DYTN: variants seen among roughly 807,000 people sequenced by gnomAD.
The protein encoded by DYTN is dystrotelin.
In DYTN, 75 loss-of-function variants were observed where a neutral mutation model predicts 69.6. That is an observed-to-expected ratio of 1.08 (90% CI 0.89 to 1.31). The LOEUF (loss-of-function observed/expected upper bound fraction) is 1.31. DYTN is among the 50% of genes most tolerant of loss of function. DYTN has a pLI of 0.00. For synonymous variants in DYTN, 252 were observed against 249.1 expected (o/e 1.01, Z -0.11); for missense variants, 726 against 688.4 (o/e 1.05, Z -0.61).
At chr2:206,711,143 A>G (rs2105902594) in intron 1 of DYTN, among the ~76,000 whole-genome samples, 1 of 152,336 alleles carries the variant, frequency 6.6e-6, no homozygotes, top group Admixed American at 6.5e-5. Flanking sequence ...AACTGTTAAC[A>G]GTGGACATCT....
At chr2:206,666,135 G>C (rs961268795) in intron 9 of DYTN, 106 bp from the exon 10 acceptor site, 1 of 1,415,948 alleles carries the variant, frequency 7.1e-7, no homozygotes, top group Non-Finnish European at 9.5e-7. Context: ...AAAGATGCTG[G>C]AAAACCCTGT....
At position 206,704,757 on chromosome 2, in the gene DYTN, T is replaced by G. The variant is rs1303978009; in HGVS notation, c.483+86A>C. On this transcript the variant is annotated intron_variant, in intron 5 of 11. Coordinates refer to ENST00000452335, the MANE Select transcript of DYTN (RefSeq NM_001093730.1). Reference sequence around the variant, plus strand: ...ATGGAGTTATATATAAAGATAGACTTGACACTGGAGACATCAGATTCTTTA... The same window carrying G: ...ATGGAGTTATATATAAAGATAGACTGGACACTGGAGACATCAGATTCTTTA... 9 of 1,161,856 alleles carry G rather than the reference T, an allele frequency of 7.7e-6. No homozygotes were observed. In the Admixed American group the frequency reaches 1.7e-4, roughly 22 times the overall value. 72.0% of individuals were successfully genotyped at this position (1,161,856 alleles called of 1,614,324 possible).
At chr2:206,698,603 A>T (rs1699944951) in intron 7 of DYTN, among the ~76,000 whole-genome samples, 2 of 152,124 alleles carry the variant, frequency 1.3e-5, no homozygotes. Flanking sequence ...CCTGGCCTAC[A>T]CCTGGTGGTT....
intron 9 of DYTN, 29 bp from the exon 10 acceptor site, chr2:206,666,058 G>A: frequency 6.2e-7 from 1 of 1,608,574 alleles, no homozygotes; most frequent in Non-Finnish European, 8.5e-7. Context: ...TGAGCGGTTT[G>A]GAAGGGCAAG....
intron 11 of DYTN, among the ~76,000 whole-genome samples, chr2:206,653,777 G>A (rs35692018): frequency 0.097 from 14,709 of 152,100 alleles, 882 homozygotes; most frequent in Non-Finnish European, 0.14. Context: ...TGTCTCTCAG[G>A]CAATTCACAA....
At chr2:206,708,903 T>G (rs935907266) in intron 2 of DYTN, among the ~76,000 whole-genome samples, 7 of 152,204 alleles carry the variant, frequency 4.6e-5, no homozygotes, top group Non-Finnish European at 8.8e-5. Flanking sequence ...TTGAAAACTG[T>G]GCATCCACAA....
chr2:206,693,076 A>G, intron 9 of DYTN, 99 bp downstream of exon 9: 7 of 1,445,392 alleles, frequency 4.8e-6, no homozygotes, highest in Non-Finnish European at 6.4e-6. Flanking sequence ...TGCCTTGTCT[A>G]GGATCTTCAG....
intron 9 of DYTN, among the ~76,000 whole-genome samples, chr2:206,680,089 G>A (rs1298073943): frequency 6.6e-6 from 1 of 152,154 alleles, no homozygotes; most frequent in African/African-American, 2.4e-5. Context: ...AGAAATACCC[G>A]AGATGGGGTA....
intron 5 of DYTN, among the ~76,000 whole-genome samples, chr2:206,702,083 T>C (rs1699982737): frequency 6.6e-6 from 1 of 152,208 alleles, no homozygotes; most frequent in Admixed American, 6.5e-5. Flanking sequence ...CGACCTTACA[T>C]ATATTTCAAC....
intron 10 of DYTN, 41 bp from the exon 11 acceptor site, chr2:206,663,436 A>T (rs1699536081): frequency 6.0e-6 from 9 of 1,510,922 alleles, no homozygotes; most frequent in Non-Finnish European, 7.9e-6. Context: ...ATTAATGTTT[A>T]TCTTACTTTT....
chr2:206,699,829 A>T lies in DYTN; in HGVS notation c.617T>A (p.Ile206Asn), dbSNP rs754392431. ...GTGGCAGGTCGGGAGCCACAGGAGG[A>T]TGGGAGGCTCAGATTGGACCCAAGA... ...FLSWVQSEPP[I>N]LLWLPTCHRL... Residue 206 changes from isoleucine to asparagine, a missense_variant, in exon 7 of 12, where the codon ATC (isoleucine) becomes AAC (asparagine). Coordinates refer to ENST00000452335, the MANE Select transcript of DYTN (RefSeq NM_001093730.1). 4.3e-6 allele frequency: 7 copies of T among 1,613,698 alleles called. No individual in the cohort carries two copies. In the African/African-American group the frequency reaches 8.0e-5, roughly 18 times the overall value.
At chr2:206,707,038 T>C (rs1022063372) in intron 3 of DYTN, among the ~76,000 whole-genome samples, 6 of 152,206 alleles carry the variant, frequency 3.9e-5, no homozygotes, top group Admixed American at 2.0e-4. Flanking sequence ...TATGCTTCTC[T>C]AGAGTAGGAG....
At chr2:206,716,312 AC>A (rs1340557976) in intron 1 of DYTN, among the ~76,000 whole-genome samples, 1 of 152,088 alleles carries the variant, frequency 6.6e-6, no homozygotes, top group African/African-American at 2.4e-5. Context: ...GGCCAGAGCC[AC>A]CCCAGGCCAG....
chr2:206,704,760 C>T (rs1403924631), intron 5 of DYTN, 83 bp downstream of exon 5: 7 of 1,182,462 alleles, frequency 5.9e-6, no homozygotes, highest in Non-Finnish European at 8.6e-6. Context: ...ATAGACTTGA[C>T]ACTGGAGACA....
intron 3 of DYTN, 26 bp from the exon 4 acceptor site, chr2:206,705,899 A>G (rs1210874924): frequency 2.5e-6 from 4 of 1,610,278 alleles, no homozygotes; most frequent in Non-Finnish European, 3.4e-6. Flanking sequence ...ATACAGAGAC[A>G]AGAATGGGAA....
chr2:206,667,828 T>C (rs1189527542), intron 9 of DYTN, among the ~76,000 whole-genome samples: 1 of 152,174 alleles, frequency 6.6e-6, no homozygotes, highest in Non-Finnish European at 1.5e-5. Context: ...TGATCACTGC[T>C]GTTAGCATAT....
chr2:206,705,551 G>A (rs1186460252), intron 4 of DYTN, among the ~76,000 whole-genome samples: 1 of 152,186 alleles, frequency 6.6e-6, no homozygotes, highest in Non-Finnish European at 1.5e-5. Flanking sequence ...TAATAATTAC[G>A]GGTGTCTAGG....
chr2:206,717,172 G>C (rs571014318), intron 1 of DYTN, among the ~76,000 whole-genome samples: 21 of 152,040 alleles, frequency 1.4e-4, no homozygotes, highest in Admixed American at 1.2e-3. Context: ...AGTAACACAA[G>C]CTACATGTGT....
chr2:206,691,579 T>C (rs940107427), intron 9 of DYTN, among the ~76,000 whole-genome samples: 15 of 152,152 alleles, frequency 9.9e-5, no homozygotes, highest in Admixed American at 9.8e-4. Context: ...AACTGGAAAC[T>C]GATATCTTTG....
Sources: allele counts gnomAD v4.1 joint callset (sites outside exome capture counted in the v4.1 genomes callset), GRCh38; gene constraint gnomAD v4.1.1; transcripts MANE v1.5; gene names NCBI Gene and HGNC (gene_info 2026-07-23, HGNC 2026-07-21).